ERN1: variants seen among roughly 807,000 people sequenced by gnomAD.
ERN1 encodes the protein endoplasmic reticulum to nucleus signaling 1.
Under a neutral mutation model 113.1 loss-of-function variants are expected in ERN1, and 39 were observed. The observed-to-expected ratio is 0.34, with a 90% CI of 0.27 to 0.45. ERN1 has a LOEUF of 0.45. Among genes scored for constraint, ERN1 ranks in the 20% least tolerant of loss-of-function variants. The pLI, the probability that ERN1 is intolerant of heterozygous loss-of-function variation, is 1.00. For synonymous variants in ERN1, 507 were observed against 515.9 expected (o/e 0.98, Z 0.23); for missense variants, 976 against 1,274.8 (o/e 0.77, Z 3.57).
chr17:64,126,309 T>C (rs1363076323), intron 1 of ERN1, among the ~76,000 whole-genome samples: 1 of 152,314 alleles, frequency 6.6e-6, no homozygotes, highest in African/African-American at 2.4e-5. Flanking sequence ...CTACAAAATA[T>C]TGAACCTACA....
chr17:64,086,546 T>C (rs1029744370), intron 2 of ERN1, among the ~76,000 whole-genome samples: 1 of 152,094 alleles, frequency 6.6e-6, no homozygotes. Context: ...TGTTTTTATT[T>C]TCTTGGCTGG....
chr17:64,123,483 C>G (rs1915002157), intron 1 of ERN1, among the ~76,000 whole-genome samples: 1 of 152,138 alleles, frequency 6.6e-6, no homozygotes, highest in Non-Finnish European at 1.5e-5. Flanking sequence ...TATTTTCATC[C>G]AACTTTTAAA....
chr17:64,062,016 T>C (rs1259856511), intron 10 of ERN1, among the ~76,000 whole-genome samples: 4 of 152,250 alleles, frequency 2.6e-5, no homozygotes, highest in Admixed American at 2.6e-4. Context: ...GATATCACGC[T>C]GTACACACTG....
intron 1 of ERN1, among the ~76,000 whole-genome samples, chr17:64,109,114 A>G (rs1914608096): frequency 1.3e-5 from 2 of 151,920 alleles, no homozygotes. Flanking sequence ...ACAAGAGGGA[A>G]ACTCCATCTC....
At chr17:64,095,957 C>T (rs1376041602) in intron 2 of ERN1, among the ~76,000 whole-genome samples, 2 of 152,216 alleles carry the variant, frequency 1.3e-5, no homozygotes, top group African/African-American at 2.4e-5. Context: ...CAGCACATTA[C>T]TAGTCCCTCT....
intron 9 of ERN1, among the ~76,000 whole-genome samples, chr17:64,064,628 A>G (rs935643180): frequency 2.6e-5 from 4 of 152,226 alleles, no homozygotes; most frequent in Admixed American, 1.3e-4. Context: ...ACACAGCCCA[A>G]GCATTGTAGG....
At chr17:64,108,033 A>C (rs2143475682) in intron 1 of ERN1, among the ~76,000 whole-genome samples, 1 of 152,324 alleles carries the variant, frequency 6.6e-6, no homozygotes, top group East Asian at 1.9e-4. Context: ...TGGGATGCAG[A>C]AAAGGCCAAG....
At chr17:64,045,023 G>C in intron 20 of ERN1, 96 bp from the exon 21 acceptor site, 1 of 934,592 alleles carries the variant, frequency 1.1e-6, no homozygotes, top group Non-Finnish European at 1.7e-6. Context: ...TAGGGAGTTG[G>C]ACTGAAAGGT....
chr17:64,048,029 G>C, intron 18 of ERN1, 44 bp from the exon 19 acceptor site: 1 of 1,552,484 alleles, frequency 6.4e-7, no homozygotes, highest in Non-Finnish European at 8.7e-7. Context: ...CCAGTCCAAA[G>C]CCACAGTGAA....
intron 15 of ERN1, 124 bp from the exon 16 acceptor site, chr17:64,053,495 T>A (rs1211581361): frequency 1.8e-6 from 1 of 542,538 alleles, no homozygotes; most frequent in Non-Finnish European, 2.9e-6. Flanking sequence ...TCTGTCTAAA[T>A]CCATGTTTTC....
intron 1 of ERN1, among the ~76,000 whole-genome samples, chr17:64,101,247 A>C (rs1356835014): frequency 1.3e-5 from 2 of 152,262 alleles, no homozygotes; most frequent in East Asian, 3.9e-4. Flanking sequence ...CGTCTCTACT[A>C]AAAATACAAA....
chr17:64,065,152 T>C, intron 9 of ERN1, 57 bp downstream of exon 9: 1 of 1,257,630 alleles, frequency 8.0e-7, no homozygotes, highest in Non-Finnish European at 1.1e-6. Flanking sequence ...AAGTCATTCT[T>C]TGCTAAAATG....
intron 1 of ERN1, among the ~76,000 whole-genome samples, chr17:64,100,807 A>C (rs1914364865): frequency 6.6e-6 from 1 of 152,072 alleles, no homozygotes; most frequent in South Asian, 2.1e-4. Flanking sequence ...AAATAAATAA[A>C]ATGGAAATAA....
intron 4 of ERN1, among the ~76,000 whole-genome samples, chr17:64,077,510 C>CA (rs1913629549): frequency 1.3e-5 from 2 of 152,128 alleles, no homozygotes; most frequent in South Asian, 4.2e-4. Context: ...TTTGGCTTTA[C>CA]ATAAGTGAAT....
intron 2 of ERN1, among the ~76,000 whole-genome samples, chr17:64,091,073 G>A (rs1248574719): frequency 6.6e-6 from 1 of 152,194 alleles, no homozygotes; most frequent in East Asian, 1.9e-4. Flanking sequence ...AAAGGTAGAT[G>A]ATGCATATTG....
chr17:64,071,526 T>C (rs1180174978), intron 6 of ERN1, among the ~76,000 whole-genome samples: 1 of 152,022 alleles, frequency 6.6e-6, no homozygotes. Flanking sequence ...GTTCAGGCAA[T>C]TCTCCTGCCT....
Position 64,055,525 on chromosome 17 carries a change from C to T in ERN1, c.1672+150G>A, listed in dbSNP as rs1912831352. The T allele has an allele frequency of 5.3e-6, 4 of 757,222 alleles. No homozygotes were observed. The South Asian group carries it at 7.1e-5, about 13-fold the overall frequency. 46.9% of individuals were successfully genotyped at this position (757,222 alleles called of 1,614,324 possible). ...AGATGCCAAGGGATGGGGCAGAAGCCTTCCCACAGAGACCCCCAGAGTGGA... is the reference window on the plus strand; with the variant it reads ...AGATGCCAAGGGATGGGGCAGAAGCTTTCCCACAGAGACCCCCAGAGTGGA... On this transcript the variant is annotated intron_variant, in intron 13 of 21. Coordinates refer to ENST00000433197, the MANE Select transcript of ERN1 (RefSeq NM_001433.5).
At chr17:64,074,833 G>A (rs1913536841) in intron 5 of ERN1, among the ~76,000 whole-genome samples, 1 of 152,236 alleles carries the variant, frequency 6.6e-6, no homozygotes, top group South Asian at 2.1e-4. Flanking sequence ...AACAGGCAGA[G>A]CCTGGCTTTC....
chr17:64,126,925 A>G (rs1404344256), intron 1 of ERN1, among the ~76,000 whole-genome samples: 10 of 152,162 alleles, frequency 6.6e-5, no homozygotes, highest in Admixed American at 5.9e-4. Context: ...TAGCTTTTAA[A>G]AAAAAAGGTA....
Sources: gnomAD v4.1 joint callset for allele counts (sites outside exome capture counted in the v4.1 genomes callset) on GRCh38, gnomAD v4.1.1 for gene constraint, MANE v1.5 for transcripts, NCBI Gene and HGNC (gene_info 2026-07-23, HGNC 2026-07-21) for gene names.